The following PDE6C variants were observed in gnomAD, a reference collection of about 807,000 sequenced individuals.
The protein encoded by PDE6C is cone cGMP-specific 3',5'-cyclic phosphodiesterase subunit alpha'.
A neutral mutation model predicts 113.1 loss-of-function variants in PDE6C; 75 were observed. That is an observed-to-expected ratio of 0.66 (90% CI 0.55 to 0.80). The LOEUF is 0.80. Ranked by LOEUF, PDE6C falls within the 30% of genes least tolerant of loss-of-function variation. The pLI is 0.00. For synonymous variants in PDE6C, 375 were observed against 363.7 expected (o/e 1.03, Z -0.35); for missense variants, 912 against 1,038.6 (o/e 0.88, Z 1.67).
chr10:93,621,897 A>T (rs1303882541), intron 3 of PDE6C, 35 bp from the exon 4 acceptor site: 2 of 1,598,796 alleles, frequency 1.3e-6, no homozygotes, highest in Non-Finnish European at 1.7e-6. Context: ...AGCATACTTT[A>T]TTCTAACTGT....
chr10:93,640,069 G>A lies in PDE6C; in HGVS notation c.1483-1G>A. 6.2e-7 allele frequency: 1 copy of A among 1,614,074 alleles called. No individual in the cohort carries two copies. The highest frequency in any genetic ancestry group is 1.6e-4 in the Middle Eastern group (1 of 6,062). On this transcript the variant is annotated splice_acceptor_variant, in intron 11 of 21. Transcript: ENST00000371447. LOFTEE classifies it high-confidence loss of function. Reference sequence around the variant, plus strand: ...GAAACAACCCATCCTTATTTCAACAGAAAGAGGACTTGCCAGACCCACGCT... The same window carrying A: ...GAAACAACCCATCCTTATTTCAACAAAAAGAGGACTTGCCAGACCCACGCT...
rs1420453745 is a variant in PDE6C, at chr10:93,640,138, A to G, written c.1551A>G (p.Thr517=). 1.5e-5 allele frequency: 25 copies of G among 1,613,934 alleles called. No individual in the cohort carries two copies. The highest frequency in any genetic ancestry group is 2.0e-5 in the Non-Finnish European group (24 of 1,179,792). ...YEFRFSDFPL[T]EHGLIKCGIR... Reference sequence around the variant, plus strand: ...TCCGCTTCAGTGACTTCCCCCTTACAGAGCACGGATTGATTAAATGTGGAA... The same window carrying G: ...TCCGCTTCAGTGACTTCCCCCTTACGGAGCACGGATTGATTAAATGTGGAA... The change falls in exon 12 of 22, where the codon ACA becomes ACG. Residue 517 remains threonine (T), a synonymous_variant. Transcript: ENST00000371447.
intron 10 of PDE6C, 128 bp downstream of exon 10, chr10:93,635,768 A>G: frequency 3.0e-6 from 3 of 993,118 alleles, no homozygotes; most frequent in South Asian, 2.7e-5. Flanking sequence ...AGAGACAGGG[A>G]AGGAGGGGTT....
intron 1 of PDE6C, among the ~76,000 whole-genome samples, chr10:93,615,688 T>C (rs955592447): frequency 3.9e-5 from 6 of 152,156 alleles, no homozygotes; most frequent in African/African-American, 1.4e-4. Context: ...GGCCCAGGCA[T>C]TGGTATTTTT....
chr10:93,631,473 A>G (rs2058501238), intron 8 of PDE6C, among the ~76,000 whole-genome samples: 2 of 152,220 alleles, frequency 1.3e-5, no homozygotes, highest in Admixed American at 1.3e-4. Context: ...CTCTGCAAAC[A>G]GTTTCAGAAC....
intron 15 of PDE6C, among the ~76,000 whole-genome samples, chr10:93,653,973 A>G (rs1232520292): frequency 1.3e-5 from 2 of 152,150 alleles, no homozygotes; most frequent in African/African-American, 4.8e-5. Context: ...TTGCTTTCTA[A>G]TATTTCAATC....
At chr10:93,657,223 G>A (rs1039863296) in intron 16 of PDE6C, among the ~76,000 whole-genome samples, 4 of 151,642 alleles carry the variant, frequency 2.6e-5, no homozygotes, top group African/African-American at 9.7e-5. Flanking sequence ...GTGCAGTGGC[G>A]CAATCTCGGC....
chr10:93,626,429 G>A (rs988333760), intron 5 of PDE6C, among the ~76,000 whole-genome samples: 8 of 152,192 alleles, frequency 5.3e-5, no homozygotes, highest in African/African-American at 1.9e-4. Context: ...ATTTATTTTA[G>A]CCTGTGCATG....
chr10:93,645,912 G>A, intron 14 of PDE6C, 48 bp from the exon 15 acceptor site: 1 of 1,083,050 alleles, frequency 9.2e-7, no homozygotes, highest in Non-Finnish European at 1.4e-6. Context: ...ATGAACCTAT[G>A]TGTAATTTTT....
chr10:93,650,877 TATATG>T (rs151261049), intron 15 of PDE6C, among the ~76,000 whole-genome samples: 22,327 of 152,136 alleles, frequency 0.15, 1,957 homozygotes, highest in South Asian at 0.25. Flanking sequence ...ATGTCTGTTT[TATATG>T]ATATATTTTT....
rs2058685880 is a variant in PDE6C, at chr10:93,665,470, C to G, written c.*52C>G. On this transcript the variant is annotated 3_prime_UTR_variant, in exon 22 of 22. Transcript: ENST00000371447. ...ATATCATTTTACCTTTGAAGAAAAC[C>G]AGAAAACATTCAAAAGAACTTCAAC... 8.4e-7 allele frequency: 1 copy of G among 1,184,600 alleles called. No individual in the cohort carries two copies. The allele number at this position is 1,184,600 out of a possible 1,614,324, so 73.4% of individuals were successfully genotyped here. A position where few individuals can be genotyped will look rare whatever the true frequency, so the allele number is the denominator to read the frequency against.
In PDE6C at chr10:93,612,708, A is replaced by G; in HGVS notation, c.-18A>G. 6.2e-7 allele frequency: 1 copy of G among 1,613,312 alleles called. No individual in the cohort carries two copies. The highest frequency in any genetic ancestry group is 8.5e-7 in the Non-Finnish European group (1 of 1,180,044). ...AAGGTCGTCCTTTCTGAACAAACGC[A>G]GCAAAGCAAGCCACACCATGGGTGA... is the stretch of plus-strand genomic sequence containing the variant. On this transcript the variant is annotated 5_prime_UTR_variant, in exon 1 of 22. Transcript: ENST00000371447.
intron 15 of PDE6C, among the ~76,000 whole-genome samples, chr10:93,648,662 A>C (rs12249716): frequency 0.092 from 14,035 of 152,212 alleles, 968 homozygotes; most frequent in African/African-American, 0.19. Context: ...GCTTTGAGGA[A>C]TAGAACTGCC....
At chr10:93,641,419 G>A (rs900939379) in intron 14 of PDE6C, among the ~76,000 whole-genome samples, 1 of 151,952 alleles carries the variant, frequency 6.6e-6, no homozygotes, top group Admixed American at 6.6e-5. Flanking sequence ...GATCAAGTGA[G>A]GTCAGTTCAA....
chr10:93,650,920 C>T lies in PDE6C; in HGVS notation c.1936-4840C>T, dbSNP rs578083488. On this transcript the variant is annotated intron_variant, in intron 15 of 21. Transcript: ENST00000371447. ...ACCATTATCAATATTTATAAAATTA[C>T]ATTTTGCTCTGTAATTTCCACTATT... is the stretch of plus-strand genomic sequence containing the variant. Among the ~76,000 whole-genome samples, 5 of 152,198 alleles carry T rather than the reference C, an allele frequency of 3.3e-5. 1 individual carries two copies. Among genetic ancestry groups the T allele is most frequent in the Admixed American group, 2.0e-4 (3 of 15,276 alleles).
Position 93,612,765 on chromosome 10 carries a change from G to A in PDE6C, c.40G>A (p.Glu14Lys). 1 of 1,614,126 alleles carries A rather than the reference G, an allele frequency of 6.2e-7. No homozygotes were observed. The highest frequency in any genetic ancestry group is 1.7e-4 in the Middle Eastern group (1 of 6,022). Residue 14 changes from glutamate to lysine, a missense_variant, in exon 1 of 22, where the codon GAG (glutamate) becomes AAG (lysine). By Grantham distance (56) the Glu-to-Lys change is moderately conservative (BLOSUM62 1). Transcript: ENST00000371447. ...INQVAVEKYL[E>K]ENPQFAKEYF... ...CCAAGTTGCCGTGGAGAAATACCTG[G>A]AGGAGAACCCTCAGTTTGCCAAGGA...
chr10:93,657,778 A>T (rs1444638693), intron 16 of PDE6C, among the ~76,000 whole-genome samples: 1 of 152,114 alleles, frequency 6.6e-6, no homozygotes, highest in African/African-American at 2.4e-5. Context: ...GAAATGTAAA[A>T]GTGACAATGC....
intron 21 of PDE6C, among the ~76,000 whole-genome samples, chr10:93,663,714 G>C (rs897165425): frequency 6.6e-6 from 1 of 152,114 alleles, no homozygotes; most frequent in Non-Finnish European, 1.5e-5. Flanking sequence ...TCTGGCATGA[G>C]ATTCCTGTGC....
At chr10:93,654,774 CTTTCTTTCTTTCTTTCTT>C (rs1184603708) in intron 15 of PDE6C, among the ~76,000 whole-genome samples, 10 of 55,898 alleles carry the variant, frequency 1.8e-4, no homozygotes, top group African/African-American at 4.7e-4. Flanking sequence ...TTCTTTCTTT[CTTTCTTTCTTTCTTTCTT>C]TCTTTCTTTC....
Sources: allele counts gnomAD v4.1 joint callset (sites outside exome capture counted in the v4.1 genomes callset), GRCh38; gene constraint gnomAD v4.1.1; transcripts MANE v1.5; gene names NCBI Gene and HGNC (gene_info 2026-07-23, HGNC 2026-07-21).